NF2: variants seen among roughly 807,000 people sequenced by gnomAD.
NF2 encodes merlin.
A neutral mutation model predicts 83.7 loss-of-function variants in NF2; 8 were observed. The observed-to-expected ratio is 0.10, with a 90% CI of 0.06 to 0.17. The LOEUF is 0.17. NF2 is among the 10% of genes least tolerant of loss of function. The pLI, the probability that NF2 is intolerant of heterozygous loss-of-function variation, is 1.00. For missense variants in NF2, 533 were observed against 744.4 expected (o/e 0.72, Z 3.31); for synonymous variants, 266 against 269.6 (o/e 0.99, Z 0.13).
At chr22:29,661,978 G>A (rs2066491382) in intron 8 of NF2, among the ~76,000 whole-genome samples, 1 of 152,016 alleles carries the variant, frequency 6.6e-6, no homozygotes, top group Non-Finnish European at 1.5e-5. Context: ...TAATTAAGGT[G>A]GAATAACTTA....
chr22:29,648,939 A>T (rs1166023798), intron 4 of NF2, among the ~76,000 whole-genome samples: 1 of 152,196 alleles, frequency 6.6e-6, no homozygotes, highest in African/African-American at 2.4e-5. Context: ...GAAAGGAGGG[A>T]CTGGATTATT....
chr22:29,666,693 G>C (rs2066633381), intron 9 of NF2, among the ~76,000 whole-genome samples: 1 of 151,928 alleles, frequency 6.6e-6, no homozygotes, highest in African/African-American at 2.4e-5. Flanking sequence ...ATAAAAAAGA[G>C]GGCCAGGCAC....
intron 6 of NF2, among the ~76,000 whole-genome samples, chr22:29,657,938 G>A: frequency 6.6e-6 from 1 of 152,218 alleles, no homozygotes; most frequent in East Asian, 1.9e-4. Context: ...GGGAAACTAA[G>A]GCCAAGAAAC....
At chr22:29,647,004 C>G (rs2066000873) in intron 4 of NF2, among the ~76,000 whole-genome samples, 1 of 147,504 alleles carries the variant, frequency 6.8e-6, no homozygotes, top group African/African-American at 2.5e-5. Flanking sequence ...CCATTGCACT[C>G]CAGCCTGGGT....
intron 1 of NF2, among the ~76,000 whole-genome samples, 185 bp downstream of exon 1, chr22:29,604,297 C>G (rs528077055): frequency 1.3e-5 from 2 of 152,262 alleles, no homozygotes; most frequent in East Asian, 3.9e-4. Context: ...TTGGCATTTC[C>G]TGAAGGTTAT....
chr22:29,694,735 TCTC>T lies in NF2; in HGVS notation c.1738-16_1738-14del, dbSNP rs2147171545. The T allele has an allele frequency of 1.2e-6, 2 of 1,613,548 alleles. No individual in the cohort carries two copies. Among genetic ancestry groups the T allele is most frequent in the Non-Finnish European group, 1.7e-6 (2 of 1,179,762 alleles). ...GAGGTCTTGTGCCCTCTCAGCTTCT[TCTC>T]TGCTTTCTTACAGCTCACCTTGCAG... On this transcript the variant is annotated splice_polypyrimidine_tract_variant and intron_variant, in intron 15 of 15. Transcript: ENST00000338641. The surrounding 1 kb of genome is among the most constrained non-coding windows in gnomAD (Gnocchi z 4.1).
chr22:29,658,784 T>C (rs2037840011), intron 7 of NF2, among the ~76,000 whole-genome samples: 1 of 152,148 alleles, frequency 6.6e-6, no homozygotes, highest in African/African-American at 2.4e-5. Flanking sequence ...GGGAGAGGCA[T>C]TTGTGTGCAG....
intron 10 of NF2, among the ~76,000 whole-genome samples, chr22:29,669,617 G>A (rs2066722740): frequency 6.6e-6 from 1 of 152,248 alleles, no homozygotes. Context: ...AAGCTTAGAA[G>A]TAAGAAATCT....
chr22:29,682,224 A>G (rs1211523899), intron 15 of NF2, among the ~76,000 whole-genome samples: 1 of 152,110 alleles, frequency 6.6e-6, no homozygotes, highest in Non-Finnish European at 1.5e-5. Flanking sequence ...ATTTGGGCCA[A>G]GCAGAAGGGT....
chr22:29,630,444 A>G (rs2065477459), intron 1 of NF2, among the ~76,000 whole-genome samples: 1 of 152,234 alleles, frequency 6.6e-6, no homozygotes, highest in Non-Finnish European at 1.5e-5. Flanking sequence ...TCTATCCATG[A>G]TATAGGCACA....
intron 1 of NF2, among the ~76,000 whole-genome samples, chr22:29,619,198 A>C (rs1414519906): frequency 1.3e-5 from 2 of 151,622 alleles, no homozygotes; most frequent in Non-Finnish European, 2.9e-5. Flanking sequence ...GCATGTGCCA[A>C]CACGCCCTGC....
At chr22:29,660,078 G>A (rs2066432446) in intron 7 of NF2, among the ~76,000 whole-genome samples, 1 of 152,136 alleles carries the variant, frequency 6.6e-6, no homozygotes, top group Admixed American at 6.5e-5. Context: ...ATCGTCAAGG[G>A]GTCAGGAGCT....
At chr22:29,683,982 T>C in intron 15 of NF2, 1 of 969,344 alleles carries the variant, frequency 1.0e-6, no homozygotes, top group Non-Finnish European at 1.2e-6. Context: ...CAGCATAGGA[T>C]GTGTCCTTTG....
In NF2 at chr22:29,621,206, G is replaced by A. The variant is rs548531495; in HGVS notation, c.115-15545G>A. Among the ~76,000 whole-genome samples the A allele has an allele frequency of 4.6e-5, 7 of 152,302 alleles. No homozygotes were observed. The East Asian group carries it at 1.2e-3, about 25-fold the overall frequency. On this transcript the variant is annotated intron_variant, in intron 1 of 15. Coordinates refer to ENST00000338641, the MANE Select transcript of NF2 (RefSeq NM_000268.4). ...CTCAAGCTTCAGTTTCCTTGTTGGG[G>A]CCGCTGAGGCAGCATAGCCTAGAGA...
At chr22:29,693,844 G>A (rs1488333445) in intron 15 of NF2, among the ~76,000 whole-genome samples, 5 of 152,152 alleles carry the variant, frequency 3.3e-5, no homozygotes, top group Admixed American at 1.3e-4. Context: ...CTCCACCCCC[G>A]CACTCCTGTG....
At chr22:29,624,411 T>C (rs1022057707) in intron 1 of NF2, among the ~76,000 whole-genome samples, 38 of 152,186 alleles carry the variant, frequency 2.5e-4, no homozygotes, top group Admixed American at 1.4e-3. Flanking sequence ...TTTTGCCATG[T>C]TGGCTAGGCT....
chr22:29,624,972 T>C (rs1322033888), intron 1 of NF2, among the ~76,000 whole-genome samples: 1 of 151,074 alleles, frequency 6.6e-6, no homozygotes, highest in East Asian at 1.9e-4. Context: ...CTTGCTCTAT[T>C]GCCAGGCTGG....
chr22:29,683,324 C>T, intron 15 of NF2: 1 of 1,412,158 alleles, frequency 7.1e-7, no homozygotes, highest in Non-Finnish European at 9.2e-7. Context: ...CCATTCTTCC[C>T]ATCTCGGGTC....
At position 29,639,057 on chromosome 22, in the gene NF2, AGT is replaced by A. The variant is rs758718827; in HGVS notation, c.241-28_241-27del. The A allele has an allele frequency of 5.6e-6, 9 of 1,614,060 alleles. No individual in the cohort carries two copies. In the Admixed American group the frequency reaches 1.3e-4, roughly 24 times the overall value. On this transcript the variant is annotated intron_variant, in intron 2 of 15. Coordinates refer to ENST00000338641, the MANE Select transcript of NF2 (RefSeq NM_000268.4). ...GTAGCACAGGAGGAAGTGCCAATAT[AGT>A]GTGTTTGTCTTTTGCTCTGCAATTC...
Sources: gnomAD v4.1 joint callset for allele counts (sites outside exome capture counted in the v4.1 genomes callset) on GRCh38, gnomAD v4.1.1 for gene constraint, Gnocchi (gnomAD v3.1) non-coding constraint, MANE v1.5 for transcripts, NCBI Gene and HGNC (gene_info 2026-07-23, HGNC 2026-07-21) for gene names.